SLAMF6: variants seen among roughly 807,000 people sequenced by gnomAD.
SLAMF6 encodes the protein NK-T-B-antigen.
A neutral mutation model predicts 38.3 loss-of-function variants in SLAMF6; 21 were observed. That is an observed-to-expected ratio of 0.55 (90% CI 0.39 to 0.79). SLAMF6 has a LOEUF of 0.79. Ranked by LOEUF, SLAMF6 falls within the 30% of genes least tolerant of loss-of-function variation. The pLI, the probability that SLAMF6 is intolerant of heterozygous loss-of-function variation, is 0.00. For missense variants in SLAMF6, 341 were observed against 385.3 expected (o/e 0.89, Z 0.96); for synonymous variants, 152 against 146.3 (o/e 1.04, Z -0.28).
intron 1 of SLAMF6, among the ~76,000 whole-genome samples, chr1:160,510,382 A>C (rs1213737841): frequency 6.6e-6 from 1 of 152,182 alleles, no homozygotes; most frequent in Non-Finnish European, 1.5e-5. Context: ...TATTAAAGGG[A>C]TTATACACCA....
Position 160,491,284 on chromosome 1 carries a change from A to C in SLAMF6, c.487T>G (p.Ser163Ala). ...CSVEDADDNV[S>A]FRWEALGNTL... ...TTTCCCAAGGCCTCCCATCTGAATG[A>C]GACATTGTCATCTGCATCCTCCACA... Residue 163 changes from serine to alanine, a missense_variant, in exon 3 of 8, where the codon TCA becomes GCA. By Grantham distance (99) the Ser-to-Ala change is moderately conservative (BLOSUM62 1). Transcript: ENST00000368057. The C allele has an allele frequency of 6.2e-7, 1 of 1,614,062 alleles. No individual in the cohort carries two copies. Among genetic ancestry groups the C allele is most frequent in the South Asian group, 1.1e-5 (1 of 91,080 alleles).
Position 160,486,744 on chromosome 1 carries a change from G to T in SLAMF6, c.962C>A (p.Thr321Asn). 6.2e-7 allele frequency: 1 copy of T among 1,613,846 alleles called. No homozygotes were observed. Among genetic ancestry groups the T allele is most frequent in the Non-Finnish European group, 8.5e-7 (1 of 1,179,836 alleles). The change falls in exon 8 of 8, where the codon ACT (threonine) becomes AAT (asparagine). Residue 321 changes from threonine to asparagine, a missense_variant. By Grantham distance (65) the Thr-to-Asn change is moderately conservative. Coordinates refer to ENST00000368057, the MANE Select transcript of SLAMF6 (RefSeq NM_001184714.2). ...TINHSKESKP[T>N]FSRATALDNV... Reference sequence around the variant, plus strand: ...GTCAAGGGCAGTTGCCCTGGAAAAAGTGGGTTTACTCTGTGGGAAAAAGAG... The same window carrying T: ...GTCAAGGGCAGTTGCCCTGGAAAAATTGGGTTTACTCTGTGGGAAAAAGAG...
chr1:160,501,299 T>C (rs1228798495), intron 1 of SLAMF6, among the ~76,000 whole-genome samples: 2 of 152,196 alleles, frequency 1.3e-5, no homozygotes, highest in African/African-American at 4.8e-5. Flanking sequence ...AAATGAGTAG[T>C]TAGTTCTGAT....
chr1:160,490,695 G>T lies in SLAMF6; in HGVS notation c.647-10C>A. The T allele has an allele frequency of 6.2e-7, 1 of 1,609,520 alleles. No individual in the cohort carries two copies. Among genetic ancestry groups the T allele is most frequent in the Non-Finnish European group, 8.5e-7 (1 of 1,178,702 alleles). ...TATTGAATTTTAACATCTGAAAAGA[G>T]AAAAAAGAAATGACATTTGAGACAC... is the stretch of plus-strand genomic sequence containing the variant. On this transcript the variant is annotated splice_polypyrimidine_tract_variant and intron_variant, in intron 3 of 7. Coordinates refer to ENST00000368057, the MANE Select transcript of SLAMF6 (RefSeq NM_001184714.2).
In SLAMF6 at chr1:160,489,122, T is replaced by C; in HGVS notation, c.845A>G (p.Asn282Ser). Residue 282 changes from asparagine (N) to serine (S), a missense_variant, in exon 6 of 8, where the codon AAC becomes AGC. Coordinates refer to ENST00000368057, the MANE Select transcript of SLAMF6 (RefSeq NM_001184714.2). ...ATGAGTGACTGAAGCATACACAGTG[T>C]TGTTCGTTGGAGACACTGAAACATA... The part of the protein sequence containing the change: ...LEYVSVSPTN[N>S]TVYASVTHSN... The C allele has an allele frequency of 6.2e-7, 1 of 1,613,902 alleles. No individual in the cohort carries two copies. Among genetic ancestry groups the C allele is most frequent in the Non-Finnish European group, 8.5e-7 (1 of 1,179,856 alleles).
rs1652915055 is a variant in SLAMF6 at position 160,485,392 on chromosome 1, T to C, written c.*1315A>G. On this transcript the variant is annotated 3_prime_UTR_variant, in exon 8 of 8. Coordinates refer to ENST00000368057, the MANE Select transcript of SLAMF6 (RefSeq NM_001184714.2). Reference sequence around the variant, plus strand: ...AGAAAGAGTGGTCTGGGAAGGTTTCTCTTAGGAGGTGACATATTTAAAATT... The same window carrying C: ...AGAAAGAGTGGTCTGGGAAGGTTTCCCTTAGGAGGTGACATATTTAAAATT... The C allele has an allele frequency of 6.6e-6, 1 of 152,164 alleles. No homozygotes were observed. The highest frequency in any genetic ancestry group is 1.5e-5 in the Non-Finnish European group (1 of 68,018). The allele number at this position is 152,164 out of a possible 1,614,324, so 9.4% of individuals were successfully genotyped here. A position where few individuals can be genotyped will look rare whatever the true frequency, so the allele number is the denominator to read the frequency against.
chr1:160,487,215 A>G (rs774751734), intron 6 of SLAMF6, 40 bp from the exon 7 acceptor site: 1 of 1,540,148 alleles, frequency 6.5e-7, no homozygotes, highest in South Asian at 1.1e-5. Context: ...ACACAGAGAC[A>G]AAGAGATTAA....
In SLAMF6 at chr1:160,507,831, G is replaced by C. The variant is rs1557945396; in HGVS notation, c.50-11438C>G. On this transcript the variant is annotated intron_variant, in intron 1 of 7. Coordinates refer to ENST00000368057, the MANE Select transcript of SLAMF6 (RefSeq NM_001184714.2). ...AACAAGATGAATTAGGATATATCTTGACACCAAGTGAAAACAAAAACAAAG... is the reference window on the plus strand; with the variant it reads ...AACAAGATGAATTAGGATATATCTTCACACCAAGTGAAAACAAAAACAAAG... Among the ~76,000 whole-genome samples the C allele has an allele frequency of 2.0e-5, 3 of 152,118 alleles. No homozygotes were observed. In the East Asian group the frequency reaches 5.8e-4, roughly 29 times the overall value.
In SLAMF6 at chr1:160,486,658, G is replaced by T; in HGVS notation, c.*49C>A. 6.5e-7 allele frequency: 1 copy of T among 1,544,396 alleles called. No homozygotes were observed. The highest frequency in any genetic ancestry group is 9.0e-7 in the Non-Finnish European group (1 of 1,117,310). On this transcript the variant is annotated 3_prime_UTR_variant, in exon 8 of 8. Transcript: ENST00000368057. ...TTCCTGTTCTTTGTTCTGTCTCATG[G>T]GATCAGAAGACGTGTCATTCCCGAA...
At chr1:160,501,180 G>A (rs1370849501) in intron 1 of SLAMF6, among the ~76,000 whole-genome samples, 1 of 152,098 alleles carries the variant, frequency 6.6e-6, no homozygotes, top group African/African-American at 2.4e-5. Context: ...TAGGAACCAT[G>A]GCATATTTAT....
intron 1 of SLAMF6, among the ~76,000 whole-genome samples, chr1:160,516,650 T>C (rs1474412170): frequency 6.6e-6 from 1 of 151,974 alleles, no homozygotes. Context: ...ATGGTACTGG[T>C]ACAAAACAGA....
Position 160,489,103 on chromosome 1 carries a change from GA to G in SLAMF6, c.863del (p.Val288AlafsTer57). ...AAAGACTCACCCTGTTTGAATGAGT[GA>G]CTGAAGCATACACAGTGTTGTTCGT... is the stretch of plus-strand genomic sequence containing the variant. Reference protein sequence around the residue: ...SPTNNTVYASVTHSNRETEIW... With the variant: ...SPTNNTVYASXTHSNRETEIW... On this transcript the variant is annotated frameshift_variant, in exon 6 of 8. Coordinates refer to ENST00000368057, the MANE Select transcript of SLAMF6 (RefSeq NM_001184714.2). LOFTEE classifies it high-confidence loss of function. 6.2e-7 allele frequency: 1 copy of G among 1,613,628 alleles called. No homozygotes were observed. The highest frequency in any genetic ancestry group is 8.5e-7 in the Non-Finnish European group (1 of 1,179,622).
intron 1 of SLAMF6, among the ~76,000 whole-genome samples, chr1:160,512,305 C>T (rs61211901): frequency 0.022 from 3,424 of 152,216 alleles, 90 homozygotes; most frequent in East Asian, 0.11. Context: ...ATGGGACCTC[C>T]CTGTGGGAAT....
At chr1:160,522,952 A>C (rs1019495006) in intron 1 of SLAMF6, among the ~76,000 whole-genome samples, 192 bp downstream of exon 1, 1 of 152,184 alleles carries the variant, frequency 6.6e-6, no homozygotes, top group Non-Finnish European at 1.5e-5. Context: ...TTCACCGACA[A>C]CCATCTCAGG....
intron 7 of SLAMF6, 69 bp from the exon 8 acceptor site, chr1:160,486,823 C>G: frequency 6.5e-7 from 1 of 1,547,394 alleles, no homozygotes; most frequent in South Asian, 1.1e-5. Context: ...CTCATAACTA[C>G]AGAGAGAGGA....
At chr1:160,507,909 C>T (rs1051273193) in intron 1 of SLAMF6, among the ~76,000 whole-genome samples, 34 of 151,898 alleles carry the variant, frequency 2.2e-4, no homozygotes, top group African/African-American at 7.3e-4. Flanking sequence ...ATATTTTTAT[C>T]CCTCTGAAAG....
intron 1 of SLAMF6, among the ~76,000 whole-genome samples, chr1:160,515,023 G>A (rs898386134): frequency 6.6e-6 from 1 of 152,074 alleles, no homozygotes; most frequent in Non-Finnish European, 1.5e-5. Context: ...AACTGAAGGA[G>A]ATAGATAAAA....
Position 160,496,234 on chromosome 1 carries a change from G to A in SLAMF6, c.209C>T (p.Thr70Ile). Reference protein sequence around the residue: ...TSLAFIVPHETKSPEIHVTNP... With the variant: ...TSLAFIVPHEIKSPEIHVTNP... The stretch of plus-strand genomic sequence containing the variant: ...AGTCACGTGGATTTCTGGACTTTTG[G>A]TTTCATGGGGTACTATGAAGGCAAG... Residue 70 changes from threonine to isoleucine, a missense_variant, in exon 2 of 8, where the codon ACC (threonine) becomes ATC (isoleucine). Transcript: ENST00000368057. The A allele has an allele frequency of 1.2e-6, 2 of 1,613,814 alleles. No individual in the cohort carries two copies. Among genetic ancestry groups the A allele is most frequent in the Non-Finnish European group, 8.5e-7 (1 of 1,179,884 alleles).
At chr1:160,521,933 G>T (rs1353445567) in intron 1 of SLAMF6, among the ~76,000 whole-genome samples, 1 of 151,826 alleles carries the variant, frequency 6.6e-6, no homozygotes, top group Non-Finnish European at 1.5e-5. Flanking sequence ...TTTACAGTTT[G>T]TCTCCTGCTA....
Sources: gnomAD v4.1 joint callset for allele counts (sites outside exome capture counted in the v4.1 genomes callset) on GRCh38, gnomAD v4.1.1 for gene constraint, MANE v1.5 for transcripts, NCBI Gene and HGNC (gene_info 2026-07-23, HGNC 2026-07-21) for gene names.